GRID2: variants seen among roughly 807,000 people sequenced by gnomAD.
The protein encoded by GRID2 is glutamate receptor ionotropic, delta-2.
GRID2 carries 33 observed loss-of-function variants against 114.8 expected under a neutral mutation model. The observed-to-expected ratio is 0.29, with a 90% CI of 0.22 to 0.38. GRID2 has a LOEUF of 0.38. Among genes scored for constraint, GRID2 ranks in the 10% least tolerant of loss-of-function variants. The probability of loss-of-function intolerance (pLI) is 1.00; values close to 1 mark genes in which losing one functional copy is unlikely to be tolerated. For missense variants in GRID2, 1,184 were observed against 1,257.7 expected (o/e 0.94, Z 0.89); for synonymous variants, 505 against 449.9 (o/e 1.12, Z -1.55).
At chr4:92,808,581 A>T (rs1740523949) in intron 2 of GRID2, among the ~76,000 whole-genome samples, 1 of 152,040 alleles carries the variant, frequency 6.6e-6, no homozygotes, top group Admixed American at 6.6e-5. Flanking sequence ...AAGTGAACTC[A>T]TTGTTTCTGC....
intron 13 of GRID2, among the ~76,000 whole-genome samples, chr4:93,580,435 C>A (rs1246004420): frequency 6.6e-6 from 1 of 152,192 alleles, no homozygotes; most frequent in African/African-American, 2.4e-5. Flanking sequence ...CGAGAAAGAA[C>A]TCCTGTGTTT....
chr4:92,344,547 G>A (rs1486483129), intron 1 of GRID2, among the ~76,000 whole-genome samples: 2 of 152,144 alleles, frequency 1.3e-5, no homozygotes, highest in Non-Finnish European at 2.9e-5. Flanking sequence ...TGTGATTTGG[G>A]CAGTGCTCGA....
chr4:93,524,342 C>G (rs1160687114), intron 13 of GRID2, among the ~76,000 whole-genome samples: 1 of 152,014 alleles, frequency 6.6e-6, no homozygotes, highest in African/African-American at 2.4e-5. Context: ...CAGCTGAGAG[C>G]TCCGATACCA....
intron 2 of GRID2, among the ~76,000 whole-genome samples, chr4:92,913,686 T>C (rs189504919): frequency 7.2e-4 from 109 of 152,114 alleles, no homozygotes; most frequent in African/African-American, 2.5e-3. Context: ...TTAGAAAATA[T>C]AGTAGATTTT....
intron 2 of GRID2, among the ~76,000 whole-genome samples, chr4:92,929,185 CT>C (rs987817029): frequency 3.2e-4 from 48 of 150,182 alleles, no homozygotes; most frequent in South Asian, 2.7e-3. Flanking sequence ...AAAAGAACAT[CT>C]TTTTTTTTAT....
intron 1 of GRID2, among the ~76,000 whole-genome samples, chr4:92,405,612 T>C (rs1462521457): frequency 6.6e-6 from 1 of 152,014 alleles, no homozygotes; most frequent in Non-Finnish European, 1.5e-5. Flanking sequence ...TTTATATATG[T>C]ATATGGTGTT....
chr4:93,804,182 A>G (rs1325947443), intron 1 of GRID2, among the ~76,000 whole-genome samples: 1 of 152,232 alleles, frequency 6.6e-6, no homozygotes, highest in East Asian at 1.9e-4. Flanking sequence ...CCCACCATCC[A>G]TGAGACTATC....
At chr4:92,402,368 C>A (rs1255682879) in intron 1 of GRID2, among the ~76,000 whole-genome samples, 1 of 152,128 alleles carries the variant, frequency 6.6e-6, no homozygotes, top group Non-Finnish European at 1.5e-5. Flanking sequence ...TTCAACATAT[C>A]TGCCCAAATC....
At chr4:93,021,886 T>C (rs1040209158) in intron 2 of GRID2, among the ~76,000 whole-genome samples, 2 of 149,012 alleles carry the variant, frequency 1.3e-5, no homozygotes, top group Non-Finnish European at 3.0e-5. Context: ...AATGATAAAA[T>C]TTTTAAAAAC....
In GRID2 at chr4:93,077,503, T is replaced by C. The variant is rs1166718905; in HGVS notation, c.245-7492T>C. Among the ~76,000 whole-genome samples the C allele has an allele frequency of 5.9e-5, 9 of 152,300 alleles. No homozygotes were observed. The East Asian group carries it at 1.5e-3, about 26-fold the overall frequency. On this transcript the variant is annotated intron_variant, in intron 2 of 15. Coordinates refer to ENST00000282020, the MANE Select transcript of GRID2 (RefSeq NM_001510.4). ...TCAGTTTCAAATCCAAGAAGTTTTA[T>C]AAGGAACAATAATTTTAATAAATAG...
intron 8 of GRID2, among the ~76,000 whole-genome samples, chr4:93,390,703 T>C (rs1764769971): frequency 6.6e-6 from 1 of 152,146 alleles, no homozygotes; most frequent in Non-Finnish European, 1.5e-5. Context: ...TAGGATATCA[T>C]TAAATCAGTT....
chr4:93,427,958 G>T (rs1769015175), intron 10 of GRID2, among the ~76,000 whole-genome samples: 1 of 151,984 alleles, frequency 6.6e-6, no homozygotes, highest in African/African-American at 2.4e-5. Flanking sequence ...TTTTCTCCTA[G>T]TTTAGAAGGG....
intron 5 of GRID2, 71 bp from the exon 6 acceptor site, chr4:93,216,667 C>A: frequency 1.0e-6 from 1 of 968,136 alleles, no homozygotes; most frequent in Non-Finnish European, 1.6e-6. Flanking sequence ...TTACAGATAA[C>A]AACTCATAAT....
chr4:92,919,265 GCTGT>G (rs1018130385), intron 2 of GRID2, among the ~76,000 whole-genome samples: 26 of 152,028 alleles, frequency 1.7e-4, no homozygotes, highest in African/African-American at 6.3e-4. Flanking sequence ...AGTCTTGGTA[GCTGT>G]CTATCAATTT....
chr4:92,634,146 A>C (rs1233687557), intron 2 of GRID2, among the ~76,000 whole-genome samples: 2 of 152,120 alleles, frequency 1.3e-5, no homozygotes, highest in African/African-American at 4.8e-5. Flanking sequence ...CAAAACTCAT[A>C]ATGTTGTAAG....
chr4:92,941,027 C>A (rs887119114), intron 2 of GRID2, among the ~76,000 whole-genome samples: 1 of 151,968 alleles, frequency 6.6e-6, no homozygotes, highest in African/African-American at 2.4e-5. Flanking sequence ...GTTTAAAATT[C>A]TCTTTTATTG....
chr4:93,009,064 A>C (rs1721852239), intron 2 of GRID2, among the ~76,000 whole-genome samples: 1 of 152,118 alleles, frequency 6.6e-6, no homozygotes, highest in Non-Finnish European at 1.5e-5. Flanking sequence ...TTCTAATCAA[A>C]ATTTTTTGGG....
intron 2 of GRID2, among the ~76,000 whole-genome samples, chr4:92,954,060 T>C (rs891971603): frequency 6.6e-6 from 1 of 152,136 alleles, no homozygotes; most frequent in Non-Finnish European, 1.5e-5. Flanking sequence ...GTGGCATGTA[T>C]GCACAAATAC....
At chr4:92,922,381 G>T (rs768720584) in intron 2 of GRID2, among the ~76,000 whole-genome samples, 2 of 152,068 alleles carry the variant, frequency 1.3e-5, no homozygotes, top group Non-Finnish European at 2.9e-5. Flanking sequence ...AATCCCCAGT[G>T]AGATGAACCC....
Sources: allele counts gnomAD v4.1 joint callset (sites outside exome capture counted in the v4.1 genomes callset), GRCh38; gene constraint gnomAD v4.1.1; transcripts MANE v1.5; gene names NCBI Gene and HGNC (gene_info 2026-07-23, HGNC 2026-07-21).